ATP6V1C1: variants seen among roughly 807,000 people sequenced by gnomAD.
The protein encoded by ATP6V1C1 is ATPase H+ transporting V1 subunit C1, also known as V-type proton ATPase subunit C 1.
ATP6V1C1 carries 45 observed loss-of-function variants against 53.9 expected under a neutral mutation model. The observed-to-expected ratio is 0.83, with a 90% confidence interval of 0.66 to 1.07. ATP6V1C1 has a LOEUF of 1.07. Ranked by LOEUF, ATP6V1C1 falls within the 50% of genes least tolerant of loss-of-function variation. ATP6V1C1 has a pLI of 0.00. For synonymous variants in ATP6V1C1, 153 were observed against 155.2 expected, an observed-to-expected ratio of 0.99 and a Z score of 0.11; for missense variants, 315 against 440.3, an observed-to-expected ratio of 0.72 and a Z score of 2.55.
chr8:103,030,128 T>G (rs1182094888), intron 1 of ATP6V1C1, among the ~76,000 whole-genome samples: 1 of 152,216 alleles, frequency 6.6e-6, no homozygotes, highest in Non-Finnish European at 1.5e-5. Flanking sequence ...GTTGGAGACA[T>G]TTATTCAAGC....
intron 1 of ATP6V1C1, among the ~76,000 whole-genome samples, chr8:103,033,804 A>G (rs958793898): frequency 7.2e-5 from 11 of 152,352 alleles, no homozygotes; most frequent in African/African-American, 2.6e-4. Flanking sequence ...GTGAGTTAAT[A>G]CACGTGAAGT....
At position 103,063,165 on chromosome 8, in the gene ATP6V1C1, AGAG is replaced by A. The variant is rs1817433280; in HGVS notation, c.769_771del (p.Glu257del). The A allele has an allele frequency of 1.2e-6, 2 of 1,613,166 alleles. No individual in the cohort carries two copies. Among genetic ancestry groups the A allele is most frequent in the Non-Finnish European group, 1.7e-6 (2 of 1,179,640 alleles). On this transcript the variant is annotated inframe_deletion, in exon 10 of 13. Coordinates refer to ENST00000518738, the MANE Select transcript of ATP6V1C1 (RefSeq NM_001695.5). ...TTGTTCGTGACTTCCAGTATAATGA[AGAG>A]GAGATGAAAGCAGATAAAGAAGAAA...
chr8:103,063,356 TA>T lies in ATP6V1C1; in HGVS notation c.828+130del, dbSNP rs1373969539. The T allele has an allele frequency of 1.1e-5, 7 of 610,832 alleles. No homozygotes were observed. In the East Asian group the frequency reaches 2.0e-4, roughly 17 times the overall value. 37.8% of individuals were successfully genotyped at this position (610,832 alleles called of 1,614,324 possible). Reference sequence around the variant, plus strand: ...GACATTTGATTTTAGTTTTTTTTTTTAATTGAATAATCAGAATGAATTTCCT... The same window carrying T: ...GACATTTGATTTTAGTTTTTTTTTTTATTGAATAATCAGAATGAATTTCCT... On this transcript the variant is annotated intron_variant, in intron 10 of 12. Transcript: ENST00000518738.
intron 6 of ATP6V1C1, among the ~76,000 whole-genome samples, chr8:103,053,558 T>C (rs556193050): frequency 2.0e-5 from 3 of 152,074 alleles, no homozygotes; most frequent in South Asian, 4.1e-4. Context: ...CATAATTATA[T>C]GATGGAATAG....
At chr8:103,059,152 A>T (rs1383233430) in intron 8 of ATP6V1C1, among the ~76,000 whole-genome samples, 1 of 152,156 alleles carries the variant, frequency 6.6e-6, no homozygotes, top group Non-Finnish European at 1.5e-5. Context: ...AGAGGAGCCT[A>T]GCTAAGAAGT....
Position 103,023,908 on chromosome 8 carries a change from G to A in ATP6V1C1, c.-40+2683G>A, listed in dbSNP as rs74674795. Among the ~76,000 whole-genome samples the A allele has an allele frequency of 3.3e-5, 5 of 151,302 alleles. 1 individual carries two copies. The highest frequency in any genetic ancestry group is 1.9e-4 in the East Asian group (1 of 5,160). On this transcript the variant is annotated intron_variant, in intron 1 of 12. Transcript: ENST00000518738. ...TCTTTGATTCAGCATTTTTTTTTGG[G>A]GGGGGGGAACTTCTCCCTGAAGAGT...
At chr8:103,059,519 T>TCCCCCCACCGG (rs1258482982) in intron 8 of ATP6V1C1, among the ~76,000 whole-genome samples, 2 of 113,630 alleles carry the variant, frequency 1.8e-5, no homozygotes, top group Non-Finnish European at 3.8e-5. Context: ...TGCACCCCCC[T>TCCCCCCACCGG]CCCCCCACCG....
chr8:103,060,600 CAG>C, intron 8 of ATP6V1C1, among the ~76,000 whole-genome samples: 1 of 152,238 alleles, frequency 6.6e-6, no homozygotes, highest in East Asian at 1.9e-4. Flanking sequence ...GCTTGCATTA[CAG>C]AGTCTCAGTA....
intron 1 of ATP6V1C1, among the ~76,000 whole-genome samples, chr8:103,040,360 G>A (rs1242815074): frequency 6.6e-6 from 1 of 151,660 alleles, no homozygotes; most frequent in Non-Finnish European, 1.5e-5. Flanking sequence ...GTTGCAGTGA[G>A]CTGAGATTAT....
At chr8:103,058,443 T>C (rs925601822) in intron 8 of ATP6V1C1, among the ~76,000 whole-genome samples, 1 of 152,228 alleles carries the variant, frequency 6.6e-6, no homozygotes, top group East Asian at 1.9e-4. Context: ...GCAAATAGGC[T>C]TTTTTGAGTG....
chr8:103,024,957 A>C (rs1816668330), intron 1 of ATP6V1C1, among the ~76,000 whole-genome samples: 1 of 152,066 alleles, frequency 6.6e-6, no homozygotes, highest in African/African-American at 2.4e-5. Context: ...TTATTGAGTT[A>C]AAAAATGAGC....
intron 8 of ATP6V1C1, among the ~76,000 whole-genome samples, chr8:103,057,313 TAC>T (rs1304843630): frequency 6.6e-6 from 1 of 152,168 alleles, no homozygotes; most frequent in Non-Finnish European, 1.5e-5. Context: ...GAAGTGAAGT[TAC>T]AAAGGTCACA....
chr8:103,037,980 T>C (rs769590313), intron 1 of ATP6V1C1, among the ~76,000 whole-genome samples: 3 of 152,352 alleles, frequency 2.0e-5, no homozygotes, highest in Non-Finnish European at 4.4e-5. Flanking sequence ...TGGTAGGGGC[T>C]TTGGAGAACA....
intron 3 of ATP6V1C1, among the ~76,000 whole-genome samples, chr8:103,047,464 A>ACATT (rs137856477): frequency 2.4e-5 from 3 of 125,602 alleles, no homozygotes; most frequent in African/African-American, 8.7e-5. Flanking sequence ...ACACACACAC[A>ACATT]TTTTTTTTTT....
At chr8:103,049,250 T>C (rs531143034) in intron 4 of ATP6V1C1, among the ~76,000 whole-genome samples, 2 of 152,240 alleles carry the variant, frequency 1.3e-5, no homozygotes, top group Non-Finnish European at 2.9e-5. Context: ...TTCCAGGTTC[T>C]ATTTATTCAC....
chr8:103,036,907 A>G (rs1209988016), intron 1 of ATP6V1C1, among the ~76,000 whole-genome samples: 3 of 152,204 alleles, frequency 2.0e-5, no homozygotes, highest in Non-Finnish European at 2.9e-5. Flanking sequence ...ATCCTTTGAT[A>G]TACTAACAGA....
intron 3 of ATP6V1C1, among the ~76,000 whole-genome samples, chr8:103,042,769 CT>C (rs1817023975): frequency 1.3e-5 from 2 of 152,186 alleles, no homozygotes; most frequent in Admixed American, 1.3e-4. Context: ...TTAGCAGTCA[CT>C]TACCGTCCCC....
chr8:103,066,439 A>G lies in ATP6V1C1; in HGVS notation c.1045A>G (p.Ile349Val), dbSNP rs759340209. The G allele has an allele frequency of 7.5e-6, 12 of 1,596,820 alleles. No individual in the cohort carries two copies. Among genetic ancestry groups the G allele is most frequent in the Middle Eastern group, 1.7e-4 (1 of 6,006 alleles). Reference sequence around the variant, plus strand: ...ACATCTAGACAGCAGTGCAGCAGCTATTATTGATGTAAGTACTTATTAGCC... The same window carrying G: ...ACATCTAGACAGCAGTGCAGCAGCTGTTATTGATGTAAGTACTTATTAGCC... ...YKHLDSSAAA[I>V]IDAPMDIPGL... Residue 349 changes from isoleucine to valine, a missense_variant, in exon 12 of 13, where the codon ATT becomes GTT. Transcript: ENST00000518738.
chr8:103,063,977 A>G (rs1475823920), intron 10 of ATP6V1C1, among the ~76,000 whole-genome samples: 1 of 152,220 alleles, frequency 6.6e-6, no homozygotes, highest in African/African-American at 2.4e-5. Context: ...TTTTTAGGGC[A>G]AACCCAAAAT....
Sources: allele counts gnomAD v4.1 joint callset (sites outside exome capture counted in the v4.1 genomes callset), GRCh38; gene constraint gnomAD v4.1.1; transcripts MANE v1.5; gene names NCBI Gene and HGNC (gene_info 2026-07-23, HGNC 2026-07-21).